Variants in EPHA8 observed in about 807,000 individuals in gnomAD.
The protein encoded by EPHA8 is EPH receptor A8, also known as ephrin type-A receptor 8.
In EPHA8, 58 loss-of-function variants were observed where a neutral mutation model predicts 103.6. The observed-to-expected ratio is 0.56, with a 90% confidence interval of 0.45 to 0.70. EPHA8 has a LOEUF of 0.70. Ranked by LOEUF, EPHA8 falls within the 30% of genes least tolerant of loss-of-function variation. EPHA8 has a pLI of 0.00. For synonymous variants in EPHA8, 559 were observed against 572.5 expected (o/e 0.98, Z 0.34); for missense variants, 1,304 against 1,395.2 (o/e 0.93, Z 1.04).
intron 3 of EPHA8, among the ~76,000 whole-genome samples, chr1:22,577,789 C>T (rs1411499815): frequency 7.1e-6 from 1 of 141,826 alleles, no homozygotes. Flanking sequence ...TGCATGTGTG[C>T]GTGTGTGCGT....
chr1:22,596,102 G>A lies in EPHA8; in HGVS notation c.1698-4G>A, dbSNP rs1196597614. ...CTCAGGCAGGGCGGTGCCCTCCTCT[G>A]CAGGCACTGTGGCTACAGCAAGGCC... is the stretch of plus-strand genomic sequence containing the variant. On this transcript the variant is annotated splice_region_variant and splice_polypyrimidine_tract_variant and intron_variant, in intron 8 of 16. Transcript: ENST00000166244. 1 of 1,613,780 alleles carries A rather than the reference G, an allele frequency of 6.2e-7. No homozygotes were observed.
chr1:22,578,225 CATGT>C (rs1640830427), intron 3 of EPHA8, among the ~76,000 whole-genome samples: 1 of 85,088 alleles, frequency 1.2e-5, no homozygotes, highest in Non-Finnish European at 2.3e-5. Flanking sequence ...TGTGAGTGTG[CATGT>C]GTGTATGTGT....
intron 4 of EPHA8, 151 bp downstream of exon 4, chr1:22,586,786 G>C (rs924763457): frequency 1.0e-6 from 1 of 993,996 alleles, no homozygotes; most frequent in Non-Finnish European, 1.5e-6. Context: ...GAGGTGGGGG[G>C]GGTGACTCTG....
At position 22,601,055 on chromosome 1, in the gene EPHA8, C is replaced by G. The variant is rs1398683463; in HGVS notation, c.2696C>G (p.Pro899Arg). Residue 899 changes from proline (P) to arginine (R), a missense_variant, in exon 15 of 17, where the codon CCT (proline) becomes CGT (arginine). Transcript: ENST00000166244. ...VSVLDALIRS[P>R]ESLRATATVS... ...GTCCTCGATGCGCTCATCCGCAGCC[C>G]TGAGAGTCTCAGGGCCACCGCCACA... The G allele has an allele frequency of 6.2e-7, 1 of 1,611,256 alleles. No homozygotes were observed. The highest frequency in any genetic ancestry group is 1.1e-5 in the South Asian group (1 of 90,962).
intron 3 of EPHA8, among the ~76,000 whole-genome samples, chr1:22,585,048 T>TGTGTGTGTGTGCGC (rs1335581382): frequency 9.0e-6 from 1 of 111,284 alleles, no homozygotes; most frequent in African/African-American, 4.5e-5. Context: ...TGTGTGTGTG[T>TGTGTGTGTGTGCGC]GTGCGCACGC....
intron 7 of EPHA8, among the ~76,000 whole-genome samples, 171 bp from the exon 8 acceptor site, chr1:22,595,059 G>C (rs1462764946): frequency 6.6e-6 from 1 of 152,160 alleles, no homozygotes; most frequent in Non-Finnish European, 1.5e-5. Flanking sequence ...TAGAGGGTGG[G>C]GTGGGAACAG....
intron 3 of EPHA8, among the ~76,000 whole-genome samples, chr1:22,585,027 C>CTGTGTG (rs772415643): frequency 0.068 from 10,068 of 147,510 alleles, 386 homozygotes; most frequent in South Asian, 0.15. Context: ...GGTCGTTTCT[C>CTGTGTG]TGTGTGTGTG....
chr1:22,568,513 C>T lies in EPHA8; in HGVS notation c.95-776C>T, dbSNP rs72875408. The stretch of plus-strand genomic sequence containing the variant: ...ACCTGTGGGGCTCTTGGCACATTCC[C>T]GGACCTCCCTGAGGCTCGGTTCTTT... On this transcript the variant is annotated intron_variant, in intron 1 of 16. Coordinates refer to ENST00000166244, the MANE Select transcript of EPHA8 (RefSeq NM_020526.5). Among the ~76,000 whole-genome samples, 1,013 of 152,348 alleles carry T rather than the reference C, an allele frequency of 6.6e-3. 11 individuals carry two copies. The highest frequency in any genetic ancestry group is 0.023 in the African/African-American group (961 of 41,580).
chr1:22,570,765 G>T (rs1254321156), intron 2 of EPHA8, among the ~76,000 whole-genome samples: 1 of 152,246 alleles, frequency 6.6e-6, no homozygotes, highest in Non-Finnish European at 1.5e-5. Flanking sequence ...CCTGGAGGAA[G>T]CCCTCGTCAC....
chr1:22,580,084 C>T (rs1348809075), intron 3 of EPHA8, among the ~76,000 whole-genome samples: 3 of 150,932 alleles, frequency 2.0e-5, no homozygotes, highest in Non-Finnish European at 4.4e-5. Context: ...CCACTAGGCC[C>T]TTTGAAGCCC....
chr1:22,593,819 C>G (rs1641444428), intron 7 of EPHA8, 133 bp downstream of exon 7: 1 of 1,126,634 alleles, frequency 8.9e-7, no homozygotes, highest in Middle Eastern at 3.1e-4. Flanking sequence ...CTTGCCCTAC[C>G]AAGTGGGGTT....
intron 2 of EPHA8, among the ~76,000 whole-genome samples, chr1:22,573,693 C>T (rs1640606228): frequency 6.6e-6 from 1 of 152,216 alleles, no homozygotes; most frequent in Admixed American, 6.5e-5. Flanking sequence ...CCTCAGAGCC[C>T]TCATGAGTCC....
chr1:22,570,357 T>C (rs1447075949), intron 2 of EPHA8, among the ~76,000 whole-genome samples: 1 of 107,424 alleles, frequency 9.3e-6, no homozygotes, highest in African/African-American at 5.3e-5. Flanking sequence ...GGTACACACA[T>C]GCACACACGT....
In EPHA8 at chr1:22,597,699, G is replaced by C. The variant is rs779031605; in HGVS notation, c.1954G>C (p.Gly652Arg). 6.2e-7 allele frequency: 1 copy of C among 1,611,466 alleles called. No individual in the cohort carries two copies. Among genetic ancestry groups the C allele is most frequent in the Non-Finnish European group, 8.5e-7 (1 of 1,179,094 alleles). ...AGGAGACTCCGGGGAAGTCTGCTAC[G>C]GGAGGCTGCGGGTGCCAGGGCAGCG... is the stretch of plus-strand genomic sequence containing the variant. ...GSGDSGEVCY[G>R]RLRVPGQRDV... is the part of the protein sequence containing the mutation. Residue 652 changes from glycine to arginine, a missense_variant, in exon 11 of 17, where the codon GGG becomes CGG. Coordinates refer to ENST00000166244, the MANE Select transcript of EPHA8 (RefSeq NM_020526.5). The surrounding 1 kb of genome is among the most constrained non-coding windows in gnomAD (Gnocchi z 4.6).
chr1:22,597,582 T>TGGCAAGCCCAGGGGGTCC lies in EPHA8; in HGVS notation c.1931-93_1931-76dup, dbSNP rs1553148938. 1.3e-6 allele frequency: 2 copies of TGGCAAGCCCAGGGGGTCC among 1,552,130 alleles called. No homozygotes were observed. The highest frequency in any genetic ancestry group is 2.5e-5 in the South Asian group (2 of 81,058). On this transcript the variant is annotated intron_variant, in intron 10 of 16. Coordinates refer to ENST00000166244, the MANE Select transcript of EPHA8 (RefSeq NM_020526.5). This position sits in a 1 kb window ranked among gnomAD's most constrained non-coding sequence, Gnocchi z 4.6. Reference sequence around the variant, plus strand: ...AGAGGGAGCGTGTGACCCAGGGGTCTGGCAAGCCCAGGGGGTCCAAGGGCC... The same window carrying TGGCAAGCCCAGGGGGTCC: ...AGAGGGAGCGTGTGACCCAGGGGTCTGGCAAGCCCAGGGGGTCCGGCAAGCCCAGGGGGTCCAAGGGCC...
At chr1:22,583,252 G>A (rs1168724694) in intron 3 of EPHA8, among the ~76,000 whole-genome samples, 3 of 152,256 alleles carry the variant, frequency 2.0e-5, no homozygotes, top group African/African-American at 4.8e-5. Context: ...ATTAATTCCC[G>A]GCCCAGCCTC....
rs368116623 is a variant in EPHA8, at chr1:22,569,415, C to T, written c.159+62C>T. ...GTGAGCAGAGAGAGGCTGCCACTCA[C>T]AGAGTCTGCATGAGATAGATCAAAA... On this transcript the variant is annotated intron_variant, in intron 2 of 16. Coordinates refer to ENST00000166244, the MANE Select transcript of EPHA8 (RefSeq NM_020526.5). The surrounding 1 kb of genome is among the most constrained non-coding windows in gnomAD (Gnocchi z 4.5). The T allele has an allele frequency of 4.9e-5, 74 of 1,508,396 alleles. No individual in the cohort carries two copies. In the African/African-American group the frequency reaches 9.8e-4, roughly 20 times the overall value. 93.4% of individuals were successfully genotyped at this position (1,508,396 alleles called of 1,614,324 possible).
At position 22,576,883 on chromosome 1, in the gene EPHA8, G is replaced by A. The variant is rs1281661972; in HGVS notation, c.823+3G>A. On this transcript the variant is annotated splice_donor_region_variant and intron_variant, in intron 3 of 16. Transcript: ENST00000166244. The surrounding 1 kb of genome is among the most constrained non-coding windows in gnomAD (Gnocchi z 4.8). ...GGAGCGGCGGGATGCCTGTGTGGGTGAGCGCGCCATGGCCTGGGCATGGGT... is the reference window on the plus strand; with the variant it reads ...GGAGCGGCGGGATGCCTGTGTGGGTAAGCGCGCCATGGCCTGGGCATGGGT... The A allele has an allele frequency of 8.2e-6, 13 of 1,577,910 alleles. No homozygotes were observed. The highest frequency in any genetic ancestry group is 1.0e-5 in the Non-Finnish European group (12 of 1,159,426).
At chr1:22,581,595 A>G (rs1054790758) in intron 3 of EPHA8, among the ~76,000 whole-genome samples, 1 of 151,918 alleles carries the variant, frequency 6.6e-6, no homozygotes, top group Non-Finnish European at 1.5e-5. Context: ...CTGAGTGGAA[A>G]CCCCAGGGCC....
Sources: gnomAD v4.1 joint callset for allele counts (sites outside exome capture counted in the v4.1 genomes callset) on GRCh38, gnomAD v4.1.1 for gene constraint, Gnocchi (gnomAD v3.1) non-coding constraint, MANE v1.5 for transcripts, NCBI Gene and HGNC (gene_info 2026-07-23, HGNC 2026-07-21) for gene names.